PIAS1: variants seen among roughly 807,000 people sequenced by gnomAD.
The protein encoded by PIAS1 is protein inhibitor of activated STAT 1, also known as E3 SUMO-protein ligase PIAS1.
In PIAS1, 6 loss-of-function variants were observed where a neutral mutation model predicts 71.3. The ratio of observed to expected loss-of-function variants is 0.08; its 90% CI spans 0.05 to 0.17. PIAS1 has a LOEUF of 0.17. Ranked by LOEUF, PIAS1 falls within the 10% of genes least tolerant of loss-of-function variation. The probability of loss-of-function intolerance (pLI) is 1.00; values close to 1 mark genes in which losing one functional copy is unlikely to be tolerated. For missense variants in PIAS1, 555 were observed against 793.6 expected, an observed-to-expected ratio of 0.70 and a Z score of 3.61; for synonymous variants, 303 against 292.9, an observed-to-expected ratio of 1.03 and a Z score of -0.35.
intron 2 of PIAS1, among the ~76,000 whole-genome samples, chr15:68,125,768 A>G (rs906406967): frequency 1.3e-5 from 2 of 151,852 alleles, no homozygotes; most frequent in African/African-American, 2.4e-5. Context: ...TGGCATGATT[A>G]TCGCTCACTG....
In PIAS1 at chr15:68,152,876, G is replaced by GT. The variant is rs889584975; in HGVS notation, c.829-705dup. Among the ~76,000 whole-genome samples, 73 of 123,076 alleles carry GT rather than the reference G, an allele frequency of 5.9e-4. 2 individuals carry two copies. The Middle Eastern group carries it at 0.013, about 22-fold the overall frequency. The allele number at this position is 123,076 out of a possible 152,430, so 80.7% of individuals were successfully genotyped here. On this transcript the variant is annotated intron_variant, in intron 6 of 13. Transcript: ENST00000249636. ...CTTAGTCTTAGCTTGTTGATTAACT[G>GT]TTTTTTTTTGGTTTTGGCTTTTCTT... is the stretch of plus-strand genomic sequence containing the variant.
chr15:68,118,334 A>AT (rs146386268), intron 2 of PIAS1, among the ~76,000 whole-genome samples: 5,832 of 150,502 alleles, frequency 0.039, 377 homozygotes, highest in African/African-American at 0.13. Flanking sequence ...AAAAAAAAAA[A>AT]AATAATAATA....
intron 2 of PIAS1, among the ~76,000 whole-genome samples, chr15:68,106,775 C>T (rs1231224805): frequency 6.6e-6 from 1 of 152,176 alleles, no homozygotes; most frequent in African/African-American, 2.4e-5. Context: ...GCTCTAACGT[C>T]AGTGTATTAG....
chr15:68,102,976 G>A (rs2092440202), intron 2 of PIAS1, among the ~76,000 whole-genome samples: 1 of 151,790 alleles, frequency 6.6e-6, no homozygotes, highest in Admixed American at 6.6e-5. Context: ...TGCCCAGGCT[G>A]GAGTATAGTA....
chr15:68,112,852 G>A (rs538020327), intron 2 of PIAS1, among the ~76,000 whole-genome samples: 1 of 1,822 alleles, frequency 5.5e-4, no homozygotes, highest in South Asian at 0.25. Flanking sequence ...CTAAGAGTAT[G>A]TCTCGGAAAT....
intron 8 of PIAS1, among the ~76,000 whole-genome samples, chr15:68,165,824 TAATC>T (rs1435299187): frequency 3.9e-5 from 6 of 152,184 alleles, no homozygotes; most frequent in African/African-American, 1.4e-4. Context: ...GTTCTATAAT[TAATC>T]AAACTAATCA....
In PIAS1 at chr15:68,150,714, G is replaced by A. The variant is rs1158205863; in HGVS notation, c.829-2876G>A. 3.3e-5 allele frequency among the ~76,000 whole-genome samples: 5 copies of A among 152,228 alleles called. No homozygotes were observed. In the East Asian group the frequency reaches 9.6e-4, roughly 29 times the overall value. On this transcript the variant is annotated intron_variant, in intron 6 of 13. Transcript: ENST00000249636. ...TTGTAGAGAAATTATTTAGATGTAGGTTGAGTATTCCTAATCTGAAAATCT... is the reference window on the plus strand; with the variant it reads ...TTGTAGAGAAATTATTTAGATGTAGATTGAGTATTCCTAATCTGAAAATCT...
At chr15:68,139,727 T>C (rs1481035990) in intron 2 of PIAS1, among the ~76,000 whole-genome samples, 2 of 152,192 alleles carry the variant, frequency 1.3e-5, no homozygotes, top group African/African-American at 4.8e-5. Flanking sequence ...AAATTAGATT[T>C]CAGGTTTTAT....
In PIAS1 at chr15:68,178,698, GC is replaced by G. The variant is rs958694737; in HGVS notation, c.1481+2045del. Among the ~76,000 whole-genome samples the G allele has an allele frequency of 6.6e-6, 1 of 151,864 alleles. No individual in the cohort carries two copies. The highest frequency in any genetic ancestry group is 1.5e-5 in the Non-Finnish European group (1 of 67,960). On this transcript the variant is annotated intron_variant, in intron 11 of 13. Transcript: ENST00000249636. This position sits in a 1 kb window ranked among gnomAD's most constrained non-coding sequence, Gnocchi z 4.2. ...CCTCTGGATATATAAATACTTTTGG[GC>G]TAAATGCATCATAATATATATATTT...
chr15:68,155,171 C>A (rs764330057), intron 7 of PIAS1, among the ~76,000 whole-genome samples: 1 of 152,226 alleles, frequency 6.6e-6, no homozygotes, highest in East Asian at 1.9e-4. Context: ...AGAGTGGGAA[C>A]GTGAGTCTGG....
intron 2 of PIAS1, among the ~76,000 whole-genome samples, chr15:68,117,390 C>G (rs930175637): frequency 2.6e-5 from 4 of 152,192 alleles, no homozygotes; most frequent in Non-Finnish European, 4.4e-5. Flanking sequence ...CTGGCCCCTT[C>G]TTGCTATTTT....
intron 1 of PIAS1, among the ~76,000 whole-genome samples, chr15:68,079,199 C>T (rs1283734891): frequency 1.3e-5 from 2 of 152,068 alleles, no homozygotes; most frequent in Non-Finnish European, 2.9e-5. Flanking sequence ...TATTCAGTAA[C>T]TTTTGAGAAT....
At chr15:68,061,984 A>AAT (rs1270604147) in intron 1 of PIAS1, among the ~76,000 whole-genome samples, 1 of 152,178 alleles carries the variant, frequency 6.6e-6, no homozygotes, top group African/African-American at 2.4e-5. Context: ...AGGTGTTTTT[A>AAT]ATATACATGT....
intron 2 of PIAS1, among the ~76,000 whole-genome samples, chr15:68,117,013 C>G (rs890752901): frequency 6.6e-5 from 10 of 152,122 alleles, no homozygotes; most frequent in African/African-American, 1.9e-4. Flanking sequence ...CTTAAACATT[C>G]ATTGTCTGTT....
rs2093087404 is a variant in PIAS1 at position 68,186,322 on chromosome 15, CAAA to C, written c.1663-1216_1663-1214del. On this transcript the variant is annotated intron_variant, in intron 13 of 13. Coordinates refer to ENST00000249636, the MANE Select transcript of PIAS1 (RefSeq NM_016166.3). The surrounding 1 kb of genome is among the most constrained non-coding windows in gnomAD (Gnocchi z 4.4). ...AATGTGTTGTGTGTGTCATTTTTAACAAAAAAGTTAAAAAGTAAAAAATATTTT... is the reference window on the plus strand; with the variant it reads ...AATGTGTTGTGTGTGTCATTTTTAACAAAGTTAAAAAGTAAAAAATATTTT... Among the ~76,000 whole-genome samples the C allele has an allele frequency of 6.6e-6, 1 of 151,558 alleles. No homozygotes were observed. The highest frequency in any genetic ancestry group is 2.1e-4 in the South Asian group (1 of 4,818).
intron 4 of PIAS1, among the ~76,000 whole-genome samples, chr15:68,142,684 A>G (rs535627326): frequency 2.2e-5 from 3 of 135,338 alleles, no homozygotes; most frequent in Non-Finnish European, 4.5e-5. Context: ...ATATCTAACC[A>G]TATTTGATTG....
intron 7 of PIAS1, among the ~76,000 whole-genome samples, chr15:68,156,742 A>C (rs1297091863): frequency 6.6e-6 from 1 of 150,504 alleles, no homozygotes; most frequent in Non-Finnish European, 1.5e-5. Context: ...AGAGAGAGAG[A>C]GAGCGCCAAG....
intron 1 of PIAS1, among the ~76,000 whole-genome samples, chr15:68,072,317 G>C (rs959427786): frequency 6.8e-6 from 1 of 147,746 alleles, no homozygotes; most frequent in Non-Finnish European, 1.5e-5. Flanking sequence ...GGAGAATGGC[G>C]TGAACCCAGG....
intron 1 of PIAS1, among the ~76,000 whole-genome samples, chr15:68,056,108 A>G (rs1298614486): frequency 6.6e-6 from 1 of 152,198 alleles, no homozygotes. Context: ...ACTTTAAGAC[A>G]TGTTTTCTAT....
Sources: allele counts gnomAD v4.1 joint callset (sites outside exome capture counted in the v4.1 genomes callset), GRCh38; gene constraint gnomAD v4.1.1; non-coding constraint Gnocchi (gnomAD v3.1); transcripts MANE v1.5; gene names NCBI Gene and HGNC (gene_info 2026-07-23, HGNC 2026-07-21).